The following CCBE1 variants were observed in gnomAD, a reference collection of about 807,000 sequenced individuals.
CCBE1 encodes collagen and calcium-binding EGF domain-containing protein 1.
CCBE1 carries 37 observed loss-of-function variants against 50.0 expected under a neutral mutation model. The ratio of observed to expected loss-of-function variants is 0.74; its 90% CI spans 0.57 to 0.97. The LOEUF is 0.97. Among genes scored for constraint, CCBE1 ranks in the 50% least tolerant of loss-of-function variants. The pLI is 0.00. For missense variants in CCBE1, 538 were observed against 523.8 expected, an observed-to-expected ratio of 1.03 and a Z score of -0.26; for synonymous variants, 234 against 203.7, an observed-to-expected ratio of 1.15 and a Z score of -1.27.
chr18:59,483,405 C>T (rs1912667784), intron 2 of CCBE1, among the ~76,000 whole-genome samples: 1 of 152,096 alleles, frequency 6.6e-6, no homozygotes, highest in African/African-American at 2.4e-5. Context: ...GCTGAGCATC[C>T]CCAGTCCAAA....
At chr18:59,491,997 TA>T (rs968161277) in intron 2 of CCBE1, among the ~76,000 whole-genome samples, 15 of 151,324 alleles carry the variant, frequency 9.9e-5, no homozygotes, top group Non-Finnish European at 1.8e-4. Context: ...ATACAAAATT[TA>T]GCCAGGTATG....
intron 5 of CCBE1, chr18:59,462,531 A>C (rs1911536748): frequency 6.6e-6 from 1 of 152,050 alleles, no homozygotes; most frequent in Non-Finnish European, 1.5e-5. Flanking sequence ...GACTACAGGC[A>C]TGTACCATTA....
chr18:59,543,845 A>AAAAAAAAAAAAAAC (rs1568197001), intron 2 of CCBE1, among the ~76,000 whole-genome samples: 1 of 146,956 alleles, frequency 6.8e-6, no homozygotes, highest in African/African-American at 2.5e-5. Flanking sequence ...AAAAAAAAAA[A>AAAAAAAAAAAAAAC]AAAAAAAAAA....
At chr18:59,697,644 T>A (rs745742471), upstream of CCBE1, 2 of 370,716 alleles carry the variant, frequency 5.4e-6, no homozygotes, top group Non-Finnish European at 4.9e-6. Flanking sequence ...CACGTCCGAT[T>A]GACAGACTTG....
rs1482028222 is a variant in CCBE1, at chr18:59,694,720, T to A, written c.212+1909A>T. Among the ~76,000 whole-genome samples the A allele has an allele frequency of 2.0e-5, 3 of 152,270 alleles. No homozygotes were observed. In the East Asian group the frequency reaches 5.8e-4, roughly 29 times the overall value. The stretch of plus-strand genomic sequence containing the variant: ...CTAAGGAAAATAATATCCTCTATTC[T>A]TGGGATTCAAGAAGAGTAGATTATA... On this transcript the variant is annotated intron_variant, in intron 2 of 10. Transcript: ENST00000439986.
intron 2 of CCBE1, among the ~76,000 whole-genome samples, chr18:59,629,850 G>A (rs2053829623): frequency 6.6e-6 from 1 of 152,180 alleles, no homozygotes; most frequent in African/African-American, 2.4e-5. Flanking sequence ...AGGCGAGCCA[G>A]GAGGGCTCAT....
chr18:59,643,875 T>C (rs1190564602), intron 2 of CCBE1, among the ~76,000 whole-genome samples: 1 of 152,154 alleles, frequency 6.6e-6, no homozygotes, highest in Non-Finnish European at 1.5e-5. Context: ...TGCAGTCTTC[T>C]TCAGAACCTT....
At chr18:59,581,571 A>G (rs9948907) in intron 2 of CCBE1, among the ~76,000 whole-genome samples, 2,867 of 152,296 alleles carry the variant, frequency 0.019, 65 homozygotes, top group African/African-American at 0.062. Context: ...TCATCTTCCA[A>G]TGCTTAGAAA....
chr18:59,597,536 GGGA>G (rs1316124106), intron 2 of CCBE1, among the ~76,000 whole-genome samples: 1 of 150,016 alleles, frequency 6.7e-6, no homozygotes, highest in African/African-American at 2.5e-5. Flanking sequence ...GGTTGAGGGT[GGGA>G]GGAGAAAATT....
chr18:59,536,907 G>A (rs1168997030), intron 2 of CCBE1, among the ~76,000 whole-genome samples: 3 of 150,032 alleles, frequency 2.0e-5, no homozygotes, highest in South Asian at 2.1e-4. Context: ...CAGGAGAATC[G>A]CTTGATCTTG....
chr18:59,456,320 A>G (rs571271004), intron 5 of CCBE1, among the ~76,000 whole-genome samples: 13 of 152,252 alleles, frequency 8.5e-5, no homozygotes, highest in Non-Finnish European at 1.8e-4. Flanking sequence ...GTGCTTTAGA[A>G]TGTGACTTTA....
intron 2 of CCBE1, among the ~76,000 whole-genome samples, chr18:59,614,004 C>T (rs568626928): frequency 8.2e-4 from 124 of 151,494 alleles, no homozygotes; most frequent in African/African-American, 2.9e-3. Flanking sequence ...CACCTGAGTA[C>T]CTGGGATTAC....
chr18:59,528,740 G>A (rs1307207425), intron 2 of CCBE1, among the ~76,000 whole-genome samples: 1 of 152,096 alleles, frequency 6.6e-6, no homozygotes, highest in African/African-American at 2.4e-5. Flanking sequence ...ATTTGCTGGG[G>A]GTTCACTCCA....
intron 6 of CCBE1, among the ~76,000 whole-genome samples, chr18:59,452,277 G>A (rs1265754162): frequency 1.3e-5 from 2 of 152,134 alleles, no homozygotes; most frequent in Non-Finnish European, 2.9e-5. Flanking sequence ...AATGGCATTA[G>A]CAGCAGCAAG....
intron 5 of CCBE1, among the ~76,000 whole-genome samples, chr18:59,457,330 G>C (rs1483722683): frequency 6.6e-6 from 1 of 152,182 alleles, no homozygotes; most frequent in South Asian, 2.1e-4. Context: ...ATGGTAGAGT[G>C]AACTGATTAC....
At chr18:59,627,612 A>G (rs1412806411) in intron 2 of CCBE1, among the ~76,000 whole-genome samples, 1 of 152,198 alleles carries the variant, frequency 6.6e-6, no homozygotes, top group Non-Finnish European at 1.5e-5. Flanking sequence ...AAATCTGGAC[A>G]CTCATAGAAA....
chr18:59,436,808 A>G (rs1258533953), intron 10 of CCBE1, among the ~76,000 whole-genome samples: 1 of 151,964 alleles, frequency 6.6e-6, no homozygotes, highest in Non-Finnish European at 1.5e-5. Flanking sequence ...GTCTCTACAA[A>G]AATTTAACAA....
At chr18:59,461,537 T>C (rs1489590905) in intron 5 of CCBE1, among the ~76,000 whole-genome samples, 1 of 152,158 alleles carries the variant, frequency 6.6e-6, no homozygotes. Flanking sequence ...TAAAATCAAA[T>C]GCTAGTCCTC....
At chr18:59,527,876 G>A (rs1319447010) in intron 2 of CCBE1, among the ~76,000 whole-genome samples, 1 of 152,144 alleles carries the variant, frequency 6.6e-6, no homozygotes. Context: ...TTCTCCTGTA[G>A]GTGACCTAGT....
Sources: gnomAD v4.1 joint callset for allele counts (sites outside exome capture counted in the v4.1 genomes callset) on GRCh38, gnomAD v4.1.1 for gene constraint, MANE v1.5 for transcripts, NCBI Gene and HGNC (gene_info 2026-07-23, HGNC 2026-07-21) for gene names.